NBEA: variants seen among roughly 807,000 people sequenced by gnomAD.
The protein encoded by NBEA is lysosomal-trafficking regulator 2.
In NBEA, 44 loss-of-function variants were observed where a neutral mutation model predicts 343.4. The observed-to-expected ratio is 0.13, with a 90% CI of 0.10 to 0.16. The LOEUF is 0.16. Ranked by LOEUF, NBEA falls within the 10% of genes least tolerant of loss-of-function variation. NBEA has a pLI of 1.00. For missense variants in NBEA, 2,555 were observed against 3,631.3 expected (o/e 0.70, Z 7.62); for synonymous variants, 1,175 against 1,238.7 (o/e 0.95, Z 1.08).
intron 41 of NBEA, among the ~76,000 whole-genome samples, chr13:35,539,671 CT>C (rs11452100): frequency 1.3e-5 from 2 of 151,084 alleles, no homozygotes; most frequent in African/African-American, 4.9e-5. Flanking sequence ...AATACCAGCA[CT>C]TTGGGAGGCT....
At chr13:35,251,840 T>G (rs2032003929) in intron 34 of NBEA, 1 of 160,446 alleles carries the variant, frequency 6.2e-6, no homozygotes, top group Non-Finnish European at 1.4e-5. Context: ...CCTGCTCTAG[T>G]GCTACCTGCA....
chr13:35,140,261 G>A (rs1300757986), intron 17 of NBEA, among the ~76,000 whole-genome samples: 1 of 151,616 alleles, frequency 6.6e-6, no homozygotes, highest in African/African-American at 2.4e-5. Flanking sequence ...TGAGCCTCCT[G>A]CCTTGGCCTC....
rs943519414 is a variant in NBEA, at chr13:35,668,310, G to T, written c.8662-58G>T. 2.7e-6 allele frequency: 4 copies of T among 1,507,274 alleles called. No individual in the cohort carries two copies. The African/African-American group carries it at 4.2e-5, about 16-fold the overall frequency. The allele number at this position is 1,507,274 out of a possible 1,614,324, so 93.4% of individuals were successfully genotyped here. Reference sequence around the variant, plus strand: ...TTAGGAAAAATTGAGAGAAATGGTTGTTGTGTATTTTATTTTATTTTGTTT... The same window carrying T: ...TTAGGAAAAATTGAGAGAAATGGTTTTTGTGTATTTTATTTTATTTTGTTT... On this transcript the variant is annotated intron_variant, in intron 57 of 58. Coordinates refer to ENST00000379939, the MANE Select transcript of NBEA (RefSeq NM_001385012.1).
intron 36 of NBEA, among the ~76,000 whole-genome samples, chr13:35,345,095 T>C (rs903946701): frequency 5.3e-5 from 8 of 152,094 alleles, no homozygotes; most frequent in Non-Finnish European, 8.8e-5. Context: ...GAGTTGTTCA[T>C]CATTTTAAAA....
chr13:35,319,430 G>A (rs2037981205), intron 36 of NBEA, among the ~76,000 whole-genome samples: 1 of 152,174 alleles, frequency 6.6e-6, no homozygotes, highest in Non-Finnish European at 1.5e-5. Flanking sequence ...TTAATCCTGA[G>A]TTCTAATTTG....
intron 36 of NBEA, among the ~76,000 whole-genome samples, chr13:35,329,777 C>T (rs1038332560): frequency 1.6e-5 from 2 of 123,816 alleles, no homozygotes; most frequent in Non-Finnish European, 3.1e-5. Context: ...CAAAATTAAA[C>T]TGCATTTTAA....
intron 38 of NBEA, among the ~76,000 whole-genome samples, chr13:35,376,975 T>A (rs1291734823): frequency 6.6e-6 from 1 of 152,144 alleles, no homozygotes; most frequent in Non-Finnish European, 1.5e-5. Context: ...AAAGGATAAA[T>A]TCTGTGGTGA....
intron 38 of NBEA, among the ~76,000 whole-genome samples, chr13:35,362,662 AT>A (rs1037830373): frequency 3.9e-5 from 6 of 151,912 alleles, no homozygotes; most frequent in Non-Finnish European, 5.9e-5. Context: ...CATAGATTAT[AT>A]TTTTAATGGC....
intron 8 of NBEA, among the ~76,000 whole-genome samples, chr13:35,068,724 T>G (rs2063750512): frequency 6.6e-6 from 1 of 152,214 alleles, no homozygotes; most frequent in African/African-American, 2.4e-5. Flanking sequence ...AAGTAAAAAC[T>G]GACATGTTTG....
chr13:35,232,294 A>G lies in NBEA; in HGVS notation c.5649-198A>G, dbSNP rs117188175. Among the ~76,000 whole-genome samples, 447 of 152,212 alleles carry G rather than the reference A, an allele frequency of 2.9e-3. 18 individuals are homozygous for G. In the East Asian group the frequency reaches 0.078, roughly 26 times the overall value. On this transcript the variant is annotated intron_variant, in intron 33 of 58. Transcript: ENST00000379939. ...TTCTTTTTCATAGTATAGTCATTGC[A>G]ATTTAGCTGAAACCTTTCAGTAGCC... is the stretch of plus-strand genomic sequence containing the variant.
intron 1 of NBEA, among the ~76,000 whole-genome samples, chr13:35,020,680 G>A (rs1021557297): frequency 2.0e-5 from 3 of 152,088 alleles, no homozygotes; most frequent in Non-Finnish European, 2.9e-5. Context: ...ACCACACCCA[G>A]CTAATTTTCT....
chr13:35,281,349 T>C (rs2152811387), intron 34 of NBEA, among the ~76,000 whole-genome samples: 1 of 152,288 alleles, frequency 6.6e-6, no homozygotes, highest in African/African-American at 2.4e-5. Context: ...AAAATTCGAC[T>C]TGGATTACAT....
intron 17 of NBEA, among the ~76,000 whole-genome samples, chr13:35,127,395 C>T (rs916219852): frequency 2.6e-5 from 4 of 152,028 alleles, no homozygotes; most frequent in South Asian, 4.1e-4. Context: ...TGCTAAGGAC[C>T]GCTGGTGAGC....
chr13:35,521,413 A>G (rs2077708166), intron 41 of NBEA, among the ~76,000 whole-genome samples: 1 of 152,176 alleles, frequency 6.6e-6, no homozygotes. Flanking sequence ...TAGAACTCAA[A>G]CTAGCTTAAT....
At chr13:35,488,696 G>T (rs1449033925) in intron 41 of NBEA, among the ~76,000 whole-genome samples, 2 of 151,820 alleles carry the variant, frequency 1.3e-5, no homozygotes, top group East Asian at 3.9e-4. Flanking sequence ...TTTAAAAAGT[G>T]ATATTTTTAA....
intron 34 of NBEA, among the ~76,000 whole-genome samples, chr13:35,277,620 T>A (rs1319191127): frequency 7.2e-5 from 1 of 13,976 alleles, no homozygotes; most frequent in Non-Finnish European, 1.1e-4. Context: ...AAACTCCGTC[T>A]CCAAAAAAAA....
At chr13:35,625,180 A>C (rs960440620) in intron 48 of NBEA, among the ~76,000 whole-genome samples, 6 of 152,240 alleles carry the variant, frequency 3.9e-5, no homozygotes, top group African/African-American at 1.4e-4. Flanking sequence ...ACCTCAAAGC[A>C]TAAACATTTT....
At chr13:35,518,570 A>T (rs1303890880) in intron 41 of NBEA, among the ~76,000 whole-genome samples, 2 of 152,346 alleles carry the variant, frequency 1.3e-5, no homozygotes, top group East Asian at 3.9e-4. Context: ...CTCAAACTAG[A>T]GGAGGCAGGG....
intron 36 of NBEA, among the ~76,000 whole-genome samples, chr13:35,338,617 G>C (rs998334833): frequency 6.6e-6 from 1 of 151,944 alleles, no homozygotes. Flanking sequence ...TTTATGAGGC[G>C]AGTATTACCC....
Sources: allele counts gnomAD v4.1 joint callset (sites outside exome capture counted in the v4.1 genomes callset), GRCh38; gene constraint gnomAD v4.1.1; transcripts MANE v1.5; gene names NCBI Gene and HGNC (gene_info 2026-07-23, HGNC 2026-07-21).